The following CLIP1 variants were observed in gnomAD, a reference collection of about 807,000 sequenced individuals.
CLIP1 encodes the protein CAP-Gly domain-containing linker protein 1.
Under a neutral mutation model 161.6 loss-of-function variants are expected in CLIP1, and 66 were observed. That is an observed-to-expected ratio of 0.41 (90% CI 0.33 to 0.50). The LOEUF (loss-of-function observed/expected upper bound fraction) is 0.50. Ranked by LOEUF, CLIP1 falls within the 20% of genes least tolerant of loss-of-function variation. The pLI, the probability that CLIP1 is intolerant of heterozygous loss-of-function variation, is 0.27. For missense variants in CLIP1, 1,376 were observed against 1,702.0 expected, an observed-to-expected ratio of 0.81 and a Z score of 3.37; for synonymous variants, 598 against 626.2, an observed-to-expected ratio of 0.96 and a Z score of 0.67.
In CLIP1 at chr12:122,351,101, G is replaced by A. The variant is rs1953016188; in HGVS notation, c.1401+10C>T. The A allele has an allele frequency of 6.5e-7, 1 of 1,540,568 alleles. No homozygotes were observed. Among genetic ancestry groups the A allele is most frequent in the Non-Finnish European group, 8.7e-7 (1 of 1,147,346 alleles). The stretch of plus-strand genomic sequence containing the variant: ...AAGGGAAATATCCACACAGTTAAGT[G>A]CCCTCTTACATTCTCAGGATCTTCA... On this transcript the variant is annotated intron_variant, in intron 9 of 25. Coordinates refer to ENST00000620786, the MANE Select transcript of CLIP1 (RefSeq NM_001247997.2).
At chr12:122,301,400 G>A (rs1288805380) in intron 20 of CLIP1, among the ~76,000 whole-genome samples, 1 of 152,214 alleles carries the variant, frequency 6.6e-6, no homozygotes, top group African/African-American at 2.4e-5. Context: ...GTCGGGCGCG[G>A]CGGCTCATGC....
intron 1 of CLIP1, among the ~76,000 whole-genome samples, chr12:122,416,420 T>C (rs1030832643): frequency 6.6e-6 from 1 of 152,160 alleles, no homozygotes; most frequent in Non-Finnish European, 1.5e-5. Context: ...GGGAAATTCT[T>C]TGAGCCTCAT....
chr12:122,374,212 C>G (rs1007728403), intron 3 of CLIP1, among the ~76,000 whole-genome samples: 5 of 150,826 alleles, frequency 3.3e-5, no homozygotes, highest in African/African-American at 4.9e-5. Context: ...TAGCTCACGC[C>G]TGTAACCCCA....
chr12:122,345,741 A>C (rs903658426), intron 10 of CLIP1, among the ~76,000 whole-genome samples: 1 of 152,130 alleles, frequency 6.6e-6, no homozygotes, highest in East Asian at 1.9e-4. Context: ...TCATGATTTA[A>C]AAGGGTATGT....
intron 3 of CLIP1, among the ~76,000 whole-genome samples, chr12:122,374,406 G>A (rs991999254): frequency 5.3e-5 from 8 of 151,668 alleles, no homozygotes; most frequent in Non-Finnish European, 8.8e-5. Flanking sequence ...AGATCACGAG[G>A]TCAAGAGATC....
intron 3 of CLIP1, among the ~76,000 whole-genome samples, chr12:122,369,988 C>A (rs4040812): frequency 3.3e-5 from 5 of 151,820 alleles, no homozygotes; most frequent in African/African-American, 9.7e-5. Flanking sequence ...CATGGCGAAA[C>A]CCTGTCTCTA....
intron 5 of CLIP1, among the ~76,000 whole-genome samples, chr12:122,357,611 C>T (rs1187923286): frequency 2.0e-5 from 3 of 146,674 alleles, no homozygotes; most frequent in African/African-American, 5.1e-5. Context: ...AGGTGAGGGG[C>T]GCCTCTGCCC....
rs777289536 is a variant in CLIP1, at chr12:122,328,340, T to A, written c.2954A>T (p.Lys985Ile). 1.9e-6 allele frequency: 3 copies of A among 1,614,094 alleles called. No individual in the cohort carries two copies. The highest frequency in any genetic ancestry group is 2.5e-6 in the Non-Finnish European group (3 of 1,180,044). Residue 985 changes from lysine to isoleucine, a missense_variant, in exon 16 of 26, where the codon AAA (lysine) becomes ATA (isoleucine). Lys to Ile is a moderately radical substitution (Grantham distance 102, BLOSUM62 -3). Transcript: ENST00000620786. The stretch of plus-strand genomic sequence containing the variant: ...TGCTTCTTGCTGGCTCTGTTCAGCT[T>A]TGACAGTCATGTCCTCAATACTTTT... ...LQKSIEDMTV[K>I]AEQSQQEAAK...
rs184879280 is a variant in CLIP1, at chr12:122,354,610, C to A, written c.1204-54G>T. The A allele has an allele frequency of 2.2e-6, 3 of 1,395,058 alleles. No individual in the cohort carries two copies. In the South Asian group the frequency reaches 3.5e-5, roughly 16 times the overall value. The allele number at this position is 1,395,058 out of a possible 1,614,324, so 86.4% of individuals were successfully genotyped here. A position where few individuals can be genotyped will look rare whatever the true frequency, so the allele number is the denominator to read the frequency against. On this transcript the variant is annotated intron_variant, in intron 6 of 25. Coordinates refer to ENST00000620786, the MANE Select transcript of CLIP1 (RefSeq NM_001247997.2). ...GACTATTTCTGACCCAGATACAGAC[C>A]CAGTGATACTTCTCCAAAGAGCTGT...
chr12:122,321,866 T>TTA (rs1281198765), intron 17 of CLIP1, among the ~76,000 whole-genome samples: 2 of 152,318 alleles, frequency 1.3e-5, no homozygotes, highest in South Asian at 2.1e-4. Flanking sequence ...TCTCCTTAGA[T>TTA]TAAAAAATAA....
chr12:122,296,203 G>C (rs1438079743), intron 20 of CLIP1, among the ~76,000 whole-genome samples: 3 of 152,294 alleles, frequency 2.0e-5, no homozygotes, highest in Admixed American at 1.3e-4. Flanking sequence ...CAGGGAGTGA[G>C]AATGAACTGA....
At chr12:122,414,715 C>T (rs577850869) in intron 1 of CLIP1, among the ~76,000 whole-genome samples, 170 of 151,902 alleles carry the variant, frequency 1.1e-3, no homozygotes, top group African/African-American at 3.9e-3. Flanking sequence ...GCACCCGCCT[C>T]GGCCTCCCAA....
At position 122,311,583 on chromosome 12, in the gene CLIP1, C is replaced by T. The variant is rs1425356511; in HGVS notation, c.3474-1701G>A. On this transcript the variant is annotated intron_variant, in intron 19 of 25. Coordinates refer to ENST00000620786, the MANE Select transcript of CLIP1 (RefSeq NM_001247997.2). The surrounding 1 kb of genome is among the most constrained non-coding windows in gnomAD (Gnocchi z 4.3). ...GGGACTACAGGTGTCCGCCACCGCG[C>T]CCAGCCAATTTTTGTATTTTTAGTA... Among the ~76,000 whole-genome samples, 2 of 152,098 alleles carry T rather than the reference C, an allele frequency of 1.3e-5. No homozygotes were observed. The highest frequency in any genetic ancestry group is 1.3e-4 in the Admixed American group (2 of 15,264).
intron 1 of CLIP1, among the ~76,000 whole-genome samples, chr12:122,421,870 C>CT (rs1956954338): frequency 6.6e-6 from 1 of 152,248 alleles, no homozygotes; most frequent in Non-Finnish European, 1.5e-5. Context: ...CGCCAATCCC[C>CT]TGCCGCGGTA....
In CLIP1 at chr12:122,340,760, C is replaced by T; in HGVS notation, c.2444G>A (p.Ser815Asn). The T allele has an allele frequency of 6.4e-7, 1 of 1,574,504 alleles. No individual in the cohort carries two copies. The change falls in exon 11 of 26, where the codon AGT becomes AAT. Residue 815 changes from serine (S) to asparagine (N), a missense_variant. Physicochemically the swap from Ser to Asn is conservative, Grantham distance 46. Around this residue, in one of 6 missense-constraint regions of CLIP1, gnomAD observed 948 missense variants for 1,134.8 expected, o/e 0.84. Coordinates refer to ENST00000620786, the MANE Select transcript of CLIP1 (RefSeq NM_001247997.2). ...KHLEIEKNAE[S>N]SKASSITREL... ...GAGGATGTCAATACAAACCTTGCTA[C>T]TTTCAGCATTCTTTTCAATCTCTAA...
rs1421512147 is a variant in CLIP1, at chr12:122,390,196, T to TATAA, written c.-106-9639_-106-9638insTTAT. Among the ~76,000 whole-genome samples the TATAA allele has an allele frequency of 2.8e-3, 273 of 98,886 alleles. 1 individual carries two copies. The highest frequency in any genetic ancestry group is 5.3e-3 in the Non-Finnish European group (230 of 43,606). The allele number at this position is 98,886 out of a possible 152,430, so 64.9% of individuals were successfully genotyped here. On this transcript the variant is annotated intron_variant, in intron 1 of 25. Coordinates refer to ENST00000620786, the MANE Select transcript of CLIP1 (RefSeq NM_001247997.2). Reference sequence around the variant, plus strand: ...AGATATATATATATATATATATATATAATATATATATACACACATATATAT... The same window carrying TATAA: ...AGATATATATATATATATATATATATATAAAATATATATATACACACATATATAT...
chr12:122,366,152 CAAA>C (rs1476659310), intron 3 of CLIP1, among the ~76,000 whole-genome samples: 1 of 151,928 alleles, frequency 6.6e-6, no homozygotes, highest in Non-Finnish European at 1.5e-5. Flanking sequence ...ACTAAAAATA[CAAA>C]AATCAGCTGG....
chr12:122,374,530 G>A (rs971780871), intron 3 of CLIP1, among the ~76,000 whole-genome samples: 5 of 151,678 alleles, frequency 3.3e-5, no homozygotes, highest in East Asian at 1.9e-4. Context: ...TTGGGAGGCC[G>A]AGTCGGGTGG....
At chr12:122,288,366 C>G in intron 21 of CLIP1, 123 bp downstream of exon 21, 1 of 825,902 alleles carries the variant, frequency 1.2e-6, no homozygotes, top group Non-Finnish European at 1.9e-6. Flanking sequence ...AAGTACCAAA[C>G]TATCACAATG....
Sources: gnomAD v4.1 joint callset for allele counts (sites outside exome capture counted in the v4.1 genomes callset) on GRCh38, gnomAD v4.1.1 for gene constraint, gnomAD v4.1.1 regional missense constraint, Gnocchi (gnomAD v3.1) non-coding constraint, MANE v1.5 for transcripts, NCBI Gene and HGNC (gene_info 2026-07-23, HGNC 2026-07-21) for gene names.